The following DLG2 variants were observed in gnomAD, a reference collection of about 807,000 sequenced individuals.
DLG2 encodes disks large homolog 2.
In DLG2, 45 loss-of-function variants were observed where a neutral mutation model predicts 132.5. That is an observed-to-expected ratio of 0.34 (90% CI 0.27 to 0.44). DLG2 has a LOEUF of 0.44. Ranked by LOEUF, DLG2 falls within the 20% of genes least tolerant of loss-of-function variation. The pLI, the probability that DLG2 is intolerant of heterozygous loss-of-function variation, is 1.00. For synonymous variants in DLG2, 424 were observed against 419.6 expected, an observed-to-expected ratio of 1.01 and a Z score of -0.13; for missense variants, 1,045 against 1,196.9, an observed-to-expected ratio of 0.87 and a Z score of 1.87.
chr11:83,511,087 G>GACACACACACACACACACACACACACAC (rs60156321), intron 21 of DLG2, among the ~76,000 whole-genome samples: 9 of 138,584 alleles, frequency 6.5e-5, no homozygotes, highest in Non-Finnish European at 9.3e-5. Flanking sequence ...CACACACACA[G>GACACACACACACACACACACACACACAC]ACACACACAC....
Position 85,498,401 on chromosome 11 carries a change from C to G in DLG2, c.40+100256G>C, listed in dbSNP as rs572654423. On this transcript the variant is annotated intron_variant, in intron 3 of 27. Transcript: ENST00000376104. ...CTAACTATCCTAAATATATATGCACCCAATACAGGAGCACCCAGATTCATA... is the reference window on the plus strand; with the variant it reads ...CTAACTATCCTAAATATATATGCACGCAATACAGGAGCACCCAGATTCATA... 3.3e-5 allele frequency among the ~76,000 whole-genome samples: 5 copies of G among 152,224 alleles called. No individual in the cohort carries two copies. The East Asian group carries it at 9.6e-4, about 29-fold the overall frequency.
chr11:83,980,046 T>C (rs1565893564), intron 12 of DLG2, among the ~76,000 whole-genome samples: 1 of 152,202 alleles, frequency 6.6e-6, no homozygotes, highest in South Asian at 2.1e-4. Flanking sequence ...TCAATTTTTG[T>C]CCAAGTTCTA....
intron 19 of DLG2, among the ~76,000 whole-genome samples, chr11:83,629,673 T>A (rs1425577679): frequency 1.3e-5 from 2 of 152,148 alleles, no homozygotes; most frequent in Non-Finnish European, 2.9e-5. Flanking sequence ...TTATACCAGC[T>A]TTTATCAGCT....
At chr11:85,065,890 A>G (rs1196925298) in intron 6 of DLG2, among the ~76,000 whole-genome samples, 1 of 151,612 alleles carries the variant, frequency 6.6e-6, no homozygotes, top group African/African-American at 2.4e-5. Flanking sequence ...TTAACGATTT[A>G]ACATCACACC....
intron 19 of DLG2, among the ~76,000 whole-genome samples, chr11:83,620,261 A>T (rs1309527277): frequency 6.8e-6 from 1 of 146,050 alleles, no homozygotes; most frequent in African/African-American, 2.5e-5. Context: ...TGATATCTTT[A>T]AAAAAAATCT....
intron 7 of DLG2, among the ~76,000 whole-genome samples, chr11:84,480,755 T>A (rs2099134911): frequency 6.7e-6 from 1 of 148,576 alleles, no homozygotes. Context: ...TTGGGGGTTT[T>A]CTTTTTTTTT....
chr11:84,746,290 T>C (rs1040573415), intron 6 of DLG2, among the ~76,000 whole-genome samples: 2 of 151,892 alleles, frequency 1.3e-5, no homozygotes, highest in Non-Finnish European at 2.9e-5. Context: ...AGCCATTCTA[T>C]TTATTTCTTG....
At chr11:84,130,865 CT>C (rs1024074062) in intron 9 of DLG2, among the ~76,000 whole-genome samples, 32 of 151,000 alleles carry the variant, frequency 2.1e-4, no homozygotes, top group African/African-American at 7.8e-4. Flanking sequence ...GAAAGTGGAA[CT>C]ACCTGTTCTG....
chr11:84,312,656 G>C (rs1421707848), intron 7 of DLG2, among the ~76,000 whole-genome samples: 2 of 152,018 alleles, frequency 1.3e-5, no homozygotes, highest in Non-Finnish European at 2.9e-5. Context: ...TCGCTTCTAA[G>C]TTGTGACTTA....
At chr11:84,484,867 T>C (rs937846528) in intron 7 of DLG2, among the ~76,000 whole-genome samples, 1 of 152,198 alleles carries the variant, frequency 6.6e-6, no homozygotes, top group African/African-American at 2.4e-5. Flanking sequence ...TGTTTTAAAT[T>C]TGAATAACCT....
chr11:84,071,917 G>C (rs910251625), intron 10 of DLG2, among the ~76,000 whole-genome samples: 1 of 152,172 alleles, frequency 6.6e-6, no homozygotes, highest in African/African-American at 2.4e-5. Flanking sequence ...TGCCTCATTC[G>C]TGACCCTTCA....
chr11:85,533,456 T>TAC (rs1331105026), intron 3 of DLG2, among the ~76,000 whole-genome samples: 6 of 137,346 alleles, frequency 4.4e-5, no homozygotes, highest in Admixed American at 7.4e-5. Flanking sequence ...ATACATAAAA[T>TAC]ACATATATAT....
intron 7 of DLG2, among the ~76,000 whole-genome samples, chr11:84,454,961 G>A (rs896959743): frequency 1.3e-5 from 2 of 151,330 alleles, no homozygotes; most frequent in African/African-American, 4.8e-5. Context: ...GATTGCACTT[G>A]AAATATGTGC....
At chr11:84,257,024 C>T (rs1056686859) in intron 7 of DLG2, among the ~76,000 whole-genome samples, 1 of 152,180 alleles carries the variant, frequency 6.6e-6, no homozygotes, top group African/African-American at 2.4e-5. Context: ...ATTGGGGTTA[C>T]TATGCACATA....
At chr11:85,330,740 C>T (rs1327511456) in intron 3 of DLG2, among the ~76,000 whole-genome samples, 2 of 102,116 alleles carry the variant, frequency 2.0e-5, no homozygotes, top group East Asian at 5.3e-4. Flanking sequence ...AACTAACCTG[C>T]ACAATGTGCA....
chr11:84,406,708 A>C (rs2098852163), intron 7 of DLG2, among the ~76,000 whole-genome samples: 1 of 152,188 alleles, frequency 6.6e-6, no homozygotes, highest in African/African-American at 2.4e-5. Context: ...AGGGAGCAGA[A>C]TTCTTGCTCC....
chr11:84,618,251 A>G (rs1189059548), intron 6 of DLG2, among the ~76,000 whole-genome samples: 1 of 151,912 alleles, frequency 6.6e-6, no homozygotes, highest in African/African-American at 2.4e-5. Context: ...TACTAAAGGG[A>G]TTGTACTTAA....
intron 7 of DLG2, among the ~76,000 whole-genome samples, chr11:84,365,164 C>T (rs1343904067): frequency 6.6e-6 from 1 of 152,080 alleles, no homozygotes; most frequent in Admixed American, 6.5e-5. Flanking sequence ...GGTTGGTAAG[C>T]TATTGATTAT....
intron 6 of DLG2, among the ~76,000 whole-genome samples, chr11:85,099,556 T>C (rs1191092245): frequency 6.6e-6 from 1 of 152,224 alleles, no homozygotes; most frequent in African/African-American, 2.4e-5. Context: ...TCATATGTTG[T>C]ATGGCCTTCT....
Sources: gnomAD v4.1 joint callset for allele counts (sites outside exome capture counted in the v4.1 genomes callset) on GRCh38, gnomAD v4.1.1 for gene constraint, MANE v1.5 for transcripts, NCBI Gene and HGNC (gene_info 2026-07-23, HGNC 2026-07-21) for gene names.